The following MICU1 variants were observed in gnomAD, a reference collection of about 807,000 sequenced individuals.
MICU1 encodes calcium uptake protein 1, mitochondrial.
Under a neutral mutation model 56.8 loss-of-function variants are expected in MICU1, and 45 were observed. That is an observed-to-expected ratio of 0.79 (90% CI 0.62 to 1.02). The LOEUF is 1.02. MICU1 is among the 50% of genes least tolerant of loss of function. The pLI is 0.00. For missense variants in MICU1, 504 were observed against 587.1 expected (o/e 0.86, Z 1.46); for synonymous variants, 186 against 195.1 (o/e 0.95, Z 0.39).
At chr10:72,369,080 CCAGCCT>C (rs1329421064) in intron 11 of MICU1, among the ~76,000 whole-genome samples, 1 of 151,860 alleles carries the variant, frequency 6.6e-6, no homozygotes, top group African/African-American at 2.4e-5. Flanking sequence ...GAGTTTAAGA[CCAGCCT>C]AGACAATATA....
chr10:72,449,077 C>T (rs896743888), intron 8 of MICU1, among the ~76,000 whole-genome samples: 2 of 152,152 alleles, frequency 1.3e-5, no homozygotes, highest in Admixed American at 6.6e-5. Flanking sequence ...GGACTACAGG[C>T]ATTTGCCACC....
At chr10:72,416,318 C>G (rs1202436284) in intron 9 of MICU1, among the ~76,000 whole-genome samples, 1 of 152,124 alleles carries the variant, frequency 6.6e-6, no homozygotes, top group South Asian at 2.1e-4. Flanking sequence ...ACAACAACAA[C>G]AAAAAGTAGA....
intron 8 of MICU1, among the ~76,000 whole-genome samples, chr10:72,458,714 T>G (rs1467373558): frequency 6.6e-6 from 1 of 151,538 alleles, no homozygotes. Flanking sequence ...GTTTTTTTTT[T>G]TTTTTTTTAA....
At chr10:72,470,074 C>A (rs1485556292) in intron 8 of MICU1, among the ~76,000 whole-genome samples, 1 of 152,158 alleles carries the variant, frequency 6.6e-6, no homozygotes, top group Admixed American at 6.5e-5. Context: ...TGATGGGACA[C>A]AATTCATCCC....
intron 5 of MICU1, chr10:72,524,792 T>TAGTTTGTTC: frequency 8.5e-7 from 1 of 1,181,550 alleles, no homozygotes; most frequent in South Asian, 4.3e-5. Context: ...ATTGTTTGAT[T>TAGTTTGTTC]ATATGAACAA....
intron 8 of MICU1, among the ~76,000 whole-genome samples, chr10:72,455,605 T>C (rs577845069): frequency 3.9e-5 from 6 of 152,106 alleles, no homozygotes; most frequent in Admixed American, 3.9e-4. Context: ...GAAAATAAGC[T>C]ACAAGATACT....
chr10:72,616,574 C>G (rs3009531), intron 1 of MICU1, among the ~76,000 whole-genome samples: 2 of 143,310 alleles, frequency 1.4e-5, no homozygotes, highest in African/African-American at 2.6e-5. Context: ...GCAACAAGAG[C>G]GAAACTCCAT....
intron 5 of MICU1, among the ~76,000 whole-genome samples, chr10:72,523,010 G>A (rs1188993108): frequency 2.6e-5 from 4 of 152,148 alleles, no homozygotes; most frequent in African/African-American, 9.7e-5. Flanking sequence ...CTTAAACAGT[G>A]AAAGTTTAAA....
chr10:72,414,132 C>G (rs1439115984), intron 9 of MICU1, among the ~76,000 whole-genome samples: 1 of 152,122 alleles, frequency 6.6e-6, no homozygotes, highest in Non-Finnish European at 1.5e-5. Flanking sequence ...GAATCTTCAA[C>G]AAAAATGAAA....
chr10:72,383,553 T>C (rs1026823191), intron 10 of MICU1, among the ~76,000 whole-genome samples: 5 of 152,242 alleles, frequency 3.3e-5, no homozygotes, highest in Admixed American at 2.6e-4. Flanking sequence ...AATAGCTGCA[T>C]AGTATTCCAC....
intron 8 of MICU1, among the ~76,000 whole-genome samples, chr10:72,425,477 C>G (rs1402174337): frequency 6.6e-6 from 1 of 152,120 alleles, no homozygotes; most frequent in Non-Finnish European, 1.5e-5. Flanking sequence ...GTGCAGATGC[C>G]CAAGCAGCAA....
chr10:72,588,796 C>T (rs1024137437), intron 1 of MICU1, among the ~76,000 whole-genome samples: 7 of 152,142 alleles, frequency 4.6e-5, no homozygotes, highest in African/African-American at 1.7e-4. Flanking sequence ...ACCATCTCCA[C>T]CCAGTTATGA....
At chr10:72,420,611 A>G (rs1864126659) in intron 9 of MICU1, among the ~76,000 whole-genome samples, 1 of 151,954 alleles carries the variant, frequency 6.6e-6, no homozygotes, top group South Asian at 2.1e-4. Flanking sequence ...TGGGAATGAG[A>G]AAATCTGGGT....
rs575745632 is a variant in MICU1 at position 72,557,385 on chromosome 10, G to A, written c.330+5510C>T. ...TTGAAAAACCCTGTGGGGGCTTTAG[G>A]AGCCAGGCCTAGACATGGTTCAAAT... is the stretch of plus-strand genomic sequence containing the variant. On this transcript the variant is annotated intron_variant, in intron 3 of 11. Coordinates refer to ENST00000361114, the MANE Select transcript of MICU1 (RefSeq NM_001195518.2). Among the ~76,000 whole-genome samples the A allele has an allele frequency of 4.6e-5, 7 of 152,268 alleles. No homozygotes were observed. In the South Asian group the frequency reaches 1.0e-3, roughly 23 times the overall value.
In MICU1 at chr10:72,448,236, C is replaced by G. The variant is rs147596512; in HGVS notation, c.934-24865G>C. Among the ~76,000 whole-genome samples, 312 of 99,634 alleles carry G rather than the reference C, an allele frequency of 3.1e-3. 1 individual carries two copies. The highest frequency in any genetic ancestry group is 0.011 in the African/African-American group (297 of 27,000). The allele number at this position is 99,634 out of a possible 152,430, so 65.4% of individuals were successfully genotyped here. A position where few individuals can be genotyped will look rare whatever the true frequency, so the allele number is the denominator to read the frequency against. The stretch of plus-strand genomic sequence containing the variant: ...TTTTTTTGAGACAAAGTCTTGCTCT[C>G]TTGCCGAGGCTCACTGCAACCTCCG... On this transcript the variant is annotated intron_variant, in intron 8 of 11. Coordinates refer to ENST00000361114, the MANE Select transcript of MICU1 (RefSeq NM_001195518.2).
At chr10:72,405,495 A>G (rs954284922) in intron 10 of MICU1, among the ~76,000 whole-genome samples, 1 of 152,052 alleles carries the variant, frequency 6.6e-6, no homozygotes, top group South Asian at 2.1e-4. Context: ...TGCTGGGATA[A>G]CAGGTGTGAG....
intron 1 of MICU1, among the ~76,000 whole-genome samples, chr10:72,589,007 G>C (rs1204974368): frequency 6.6e-6 from 1 of 152,140 alleles, no homozygotes; most frequent in African/African-American, 2.4e-5. Context: ...GACATAATGG[G>C]CTGGGCACGG....
chr10:72,542,267 A>G (rs1166688465), intron 4 of MICU1, among the ~76,000 whole-genome samples: 1 of 152,110 alleles, frequency 6.6e-6, no homozygotes, highest in African/African-American at 2.4e-5. Context: ...TTTTTCACCC[A>G]TTTAAAAAAT....
intron 6 of MICU1, among the ~76,000 whole-genome samples, chr10:72,495,327 T>C (rs765119026): frequency 1.3e-5 from 2 of 152,152 alleles, no homozygotes; most frequent in Non-Finnish European, 2.9e-5. Context: ...TGACGGCTTA[T>C]GCCAAGATGC....
Sources: allele counts gnomAD v4.1 joint callset (sites outside exome capture counted in the v4.1 genomes callset), GRCh38; gene constraint gnomAD v4.1.1; transcripts MANE v1.5; gene names NCBI Gene and HGNC (gene_info 2026-07-23, HGNC 2026-07-21).